The following ZFAND6 variants were observed in gnomAD, a reference collection of about 807,000 sequenced individuals.
The protein encoded by ZFAND6 is AN1-type zinc finger protein 6.
ZFAND6 carries 12 observed loss-of-function variants against 24.5 expected under a neutral mutation model. The ratio of observed to expected loss-of-function variants is 0.49; its 90% CI spans 0.31 to 0.79. ZFAND6 has a LOEUF of 0.79. Among genes scored for constraint, ZFAND6 ranks in the 30% least tolerant of loss-of-function variants. The pLI, the probability that ZFAND6 is intolerant of heterozygous loss-of-function variation, is 0.04. For missense variants in ZFAND6, 207 were observed against 245.9 expected (o/e 0.84, Z 1.06); for synonymous variants, 92 against 81.5 (o/e 1.13, Z -0.69).
At chr15:80,111,667 T>G in intron 2 of ZFAND6, 1 of 331,264 alleles carries the variant, frequency 3.0e-6, no homozygotes, top group Non-Finnish European at 6.1e-6. Context: ...AGTTTTCTTA[T>G]AAGTGGGAGG....
chr15:80,100,257 A>G (rs2038962588), intron 2 of ZFAND6, among the ~76,000 whole-genome samples: 1 of 152,234 alleles, frequency 6.6e-6, no homozygotes, highest in African/African-American at 2.4e-5. Context: ...TGGTGCTGCT[A>G]TTCTGTGAAC....
In ZFAND6 at chr15:80,131,248, A is replaced by G. The variant is rs947248716; in HGVS notation, c.433A>G (p.Lys145Glu). Residue 145 changes from lysine (K) to glutamate (E), a missense_variant, in exon 6 of 7, where the codon AAA (lysine) becomes GAA (glutamate). Lys to Glu is a moderately conservative substitution (Grantham distance 56). This residue lies in a region of ZFAND6 where 133 missense variants were observed against 122.8 expected (regional missense o/e 1.08). Transcript: ENST00000261749. ...QSKSLEKPKQ[K>E]KNRCFMCRKK... is the part of the protein sequence containing the mutation. ...CAAGTCTCTTGAAAAACCGAAACAA[A>G]AAAAGAATCGCTGTTTCATGTGCAG... 5 of 1,613,040 alleles carry G rather than the reference A, an allele frequency of 3.1e-6. No individual in the cohort carries two copies. In the African/African-American group the frequency reaches 6.7e-5, roughly 22 times the overall value.
At chr15:80,112,219 C>T (rs890953973) in intron 2 of ZFAND6, among the ~76,000 whole-genome samples, 2 of 152,126 alleles carry the variant, frequency 1.3e-5, no homozygotes, top group Non-Finnish European at 2.9e-5. Flanking sequence ...GAGACTGCGC[C>T]ACTGCGCTCC....
chr15:80,071,037 G>C (rs931830601), intron 1 of ZFAND6, among the ~76,000 whole-genome samples: 13 of 152,152 alleles, frequency 8.5e-5, no homozygotes, highest in African/African-American at 3.1e-4. Flanking sequence ...AGACCCCTGT[G>C]AATTGGCTCT....
chr15:80,119,013 A>G (rs2040024229), intron 2 of ZFAND6, among the ~76,000 whole-genome samples: 1 of 152,104 alleles, frequency 6.6e-6, no homozygotes, highest in African/African-American at 2.4e-5. Flanking sequence ...TTTGAAATAG[A>G]CTCATCTGTA....
At chr15:80,106,377 C>T (rs999353951) in intron 2 of ZFAND6, among the ~76,000 whole-genome samples, 11 of 152,098 alleles carry the variant, frequency 7.2e-5, no homozygotes, top group Admixed American at 2.6e-4. Context: ...TTTATTGAAA[C>T]ACAGCCATTC....
At chr15:80,059,045 A>G (rs1393645963), upstream of ZFAND6, among the ~76,000 whole-genome samples, 1 of 152,254 alleles carries the variant, frequency 6.6e-6, no homozygotes, top group Non-Finnish European at 1.5e-5. Flanking sequence ...GTGCCTGTGC[A>G]TGTATGTATT....
intron 2 of ZFAND6, among the ~76,000 whole-genome samples, chr15:80,110,689 TAC>T (rs1286499964): frequency 6.6e-6 from 1 of 152,038 alleles, no homozygotes; most frequent in Admixed American, 6.6e-5. Context: ...AAAAGACCCA[TAC>T]ATGTATGAGG....
intron 1 of ZFAND6, among the ~76,000 whole-genome samples, chr15:80,067,986 G>A (rs562833478): frequency 1.3e-5 from 2 of 152,108 alleles, no homozygotes; most frequent in South Asian, 2.1e-4. Context: ...TCTTGAGACG[G>A]AATCTTACTC....
intron 1 of ZFAND6, among the ~76,000 whole-genome samples, chr15:80,075,828 C>T (rs933412007): frequency 1.3e-5 from 2 of 152,032 alleles, no homozygotes; most frequent in Non-Finnish European, 2.9e-5. Flanking sequence ...ACAGTTTTGT[C>T]GTTAGTAGTG....
rs28543672 is a variant in ZFAND6 at position 80,059,973 on chromosome 15, C to T, written c.-181+164C>T. On this transcript the variant is annotated intron_variant, in intron 1 of 6. Coordinates refer to ENST00000261749, the MANE Select transcript of ZFAND6 (RefSeq NM_019006.4). ...CCGGCCGGCGCAGCAGGTGGTGGGC[C>T]CGCGGGGGCCGCGGGCGAGAGGGCG... Among the ~76,000 whole-genome samples the T allele has an allele frequency of 2.7e-3, 414 of 150,950 alleles. 3 individuals are homozygous for T. The highest frequency in any genetic ancestry group is 9.2e-3 in the African/African-American group (380 of 41,364).
At chr15:80,060,204 G>C (rs1392457434) in intron 1 of ZFAND6, 1 of 151,940 alleles carries the variant, frequency 6.6e-6, no homozygotes, top group East Asian at 1.9e-4. Flanking sequence ...AAGGGCCCCG[G>C]GCACACTGGG....
At chr15:80,082,163 A>G (rs1419979271) in intron 1 of ZFAND6, among the ~76,000 whole-genome samples, 1 of 152,204 alleles carries the variant, frequency 6.6e-6, no homozygotes, top group African/African-American at 2.4e-5. Flanking sequence ...GGATATGGGA[A>G]TGGTGTGACT....
In ZFAND6 at chr15:80,137,549, A is replaced by T. The variant is rs768332076; in HGVS notation, c.548A>T (p.Tyr183Phe). 9 of 1,605,954 alleles carry T rather than the reference A, an allele frequency of 5.6e-6. No homozygotes were observed. Among genetic ancestry groups the T allele is most frequent in the Non-Finnish European group, 7.6e-6 (9 of 1,177,544 alleles). The change falls in exon 7 of 7, where the codon TAC (tyrosine) becomes TTC (phenylalanine). Residue 183 changes from tyrosine to phenylalanine, a missense_variant. Tyr to Phe is a conservative substitution (Grantham distance 22). Transcript: ENST00000261749. ...HRYSDVHNCSYNYKADAAEKI... is the reference protein window; with the variant it reads ...HRYSDVHNCSFNYKADAAEKI... ...TACTCAGATGTACACAATTGCTCTT[A>T]CAATTACAAAGCCGATGCTGCTGAG...
Position 80,137,432 on chromosome 15 carries a change from T to C in ZFAND6, c.479-48T>C, listed in dbSNP as rs180700340. On this transcript the variant is annotated intron_variant, in intron 6 of 6. Transcript: ENST00000261749. ...TTCAGTATTAATTATGCCAAAGACC[T>C]TAATATTTCATCCTTCAACTCATGT... is the stretch of plus-strand genomic sequence containing the variant. 2.2e-4 allele frequency: 342 copies of C among 1,569,062 alleles called. 2 individuals carry two copies. In the African/African-American group the frequency reaches 4.4e-3, roughly 20 times the overall value.
At chr15:80,119,975 T>C (rs1263556156) in intron 2 of ZFAND6, among the ~76,000 whole-genome samples, 1 of 152,208 alleles carries the variant, frequency 6.6e-6, no homozygotes, top group Non-Finnish European at 1.5e-5. Flanking sequence ...TCAAAACTTA[T>C]AATGTATATC....
chr15:80,110,840 T>C (rs2039570631), intron 2 of ZFAND6, among the ~76,000 whole-genome samples: 1 of 152,166 alleles, frequency 6.6e-6, no homozygotes, highest in Non-Finnish European at 1.5e-5. Flanking sequence ...AAATCAACTC[T>C]AGATGGATTG....
At chr15:80,067,083 T>G (rs1207629192) in intron 1 of ZFAND6, among the ~76,000 whole-genome samples, 3 of 152,152 alleles carry the variant, frequency 2.0e-5, no homozygotes, top group Non-Finnish European at 4.4e-5. Context: ...ATATGCAAAG[T>G]GCTTGACTTG....
At chr15:80,101,789 G>C (rs2039045206) in intron 2 of ZFAND6, among the ~76,000 whole-genome samples, 1 of 144,064 alleles carries the variant, frequency 6.9e-6, no homozygotes, top group South Asian at 2.2e-4. Context: ...TTTATGTAAA[G>C]TGTTTTTTTT....
Sources: allele counts gnomAD v4.1 joint callset (sites outside exome capture counted in the v4.1 genomes callset), GRCh38; gene constraint gnomAD v4.1.1; regional missense constraint gnomAD v4.1.1; transcripts MANE v1.5; gene names NCBI Gene and HGNC (gene_info 2026-07-23, HGNC 2026-07-21).